The following PRMT8 variants were observed in gnomAD, a reference collection of about 807,000 sequenced individuals.
PRMT8 encodes protein arginine N-methyltransferase 8.
In PRMT8, 7 loss-of-function variants were observed where a neutral mutation model predicts 47.1. The observed-to-expected ratio is 0.15, with a 90% CI of 0.08 to 0.28. PRMT8 has a LOEUF of 0.28. PRMT8 is among the 10% of genes least tolerant of loss of function. The probability of loss-of-function intolerance (pLI) is 1.00; values close to 1 mark genes in which losing one functional copy is unlikely to be tolerated. For synonymous variants in PRMT8, 188 were observed against 186.5 expected (o/e 1.01, Z -0.07); for missense variants, 237 against 505.4 (o/e 0.47, Z 5.09).
intron 1 of PRMT8, among the ~76,000 whole-genome samples, chr12:3,410,216 T>C (rs1164953952): frequency 2.0e-5 from 3 of 152,182 alleles, no homozygotes; most frequent in Admixed American, 6.5e-5. Context: ...AAACAAACCA[T>C]GTTTTTTAGG....
At chr12:3,399,570 A>T (rs548816171) in intron 1 of PRMT8, among the ~76,000 whole-genome samples, 34 of 152,212 alleles carry the variant, frequency 2.2e-4, no homozygotes, top group African/African-American at 8.2e-4. Flanking sequence ...TGTACAGAAA[A>T]CCATATCAGG....
intron 4 of PRMT8, among the ~76,000 whole-genome samples, chr12:3,560,540 C>T (rs943467308): frequency 2.0e-5 from 3 of 152,142 alleles, no homozygotes; most frequent in Admixed American, 6.6e-5. Flanking sequence ...AGTGGGCTGC[C>T]GAGATGCTTA....
At chr12:3,474,667 G>C (rs567151630) in intron 1 of PRMT8, among the ~76,000 whole-genome samples, 1 of 152,262 alleles carries the variant, frequency 6.6e-6, no homozygotes, top group Admixed American at 6.5e-5. Flanking sequence ...CCTGCTGGAA[G>C]CTTCTCCTAA....
intron 1 of PRMT8, among the ~76,000 whole-genome samples, chr12:3,515,585 G>A (rs1441141201): frequency 6.6e-6 from 1 of 152,204 alleles, no homozygotes; most frequent in East Asian, 1.9e-4. Flanking sequence ...AGAACCTCTG[G>A]GGACGGGGCC....
chr12:3,543,035 A>G (rs1055294985), intron 2 of PRMT8, among the ~76,000 whole-genome samples: 2 of 152,258 alleles, frequency 1.3e-5, no homozygotes, highest in African/African-American at 4.8e-5. Context: ...AAGCTTGTGC[A>G]TACGTATATA....
chr12:3,517,736 A>C (rs1457805896), intron 1 of PRMT8, among the ~76,000 whole-genome samples: 1 of 152,008 alleles, frequency 6.6e-6, no homozygotes, highest in African/African-American at 2.4e-5. Flanking sequence ...GGAAAGAGGG[A>C]ACTTAAAAAC....
chr12:3,591,407 CTT>C (rs34619063), intron 8 of PRMT8, among the ~76,000 whole-genome samples: 58 of 115,710 alleles, frequency 5.0e-4, no homozygotes, highest in African/African-American at 7.1e-4. Context: ...AGGGAAAGCT[CTT>C]TTTTTTTTTT....
chr12:3,546,430 A>G (rs1174564005), intron 2 of PRMT8, among the ~76,000 whole-genome samples: 1 of 152,214 alleles, frequency 6.6e-6, no homozygotes, highest in African/African-American at 2.4e-5. Flanking sequence ...AATTGATAAT[A>G]TCTAGTTAGA....
intron 1 of PRMT8, among the ~76,000 whole-genome samples, chr12:3,518,977 G>C (rs1865836395): frequency 6.6e-6 from 1 of 151,832 alleles, no homozygotes; most frequent in African/African-American, 2.4e-5. Flanking sequence ...AGCTCAAAAG[G>C]CTTTTGTAAG....
At chr12:3,429,989 C>T (rs945158214) in intron 1 of PRMT8, among the ~76,000 whole-genome samples, 1 of 152,166 alleles carries the variant, frequency 6.6e-6, no homozygotes, top group Admixed American at 6.5e-5. Context: ...CAGGATGAGC[C>T]ACAGACAAGA....
chr12:3,540,256 T>C (rs1248751545), intron 1 of PRMT8, among the ~76,000 whole-genome samples: 1 of 152,200 alleles, frequency 6.6e-6, no homozygotes, highest in African/African-American at 2.4e-5. Context: ...TATGCATCTT[T>C]CCCTTTATTG....
chr12:3,577,970 C>T (rs149571606), intron 7 of PRMT8, among the ~76,000 whole-genome samples: 118 of 152,294 alleles, frequency 7.7e-4, no homozygotes, highest in Non-Finnish European at 1.4e-3. Flanking sequence ...CAGAGGTAAC[C>T]ACTGTTCACA....
chr12:3,417,803 A>G, intron 1 of PRMT8, among the ~76,000 whole-genome samples: 1 of 152,202 alleles, frequency 6.6e-6, no homozygotes. Flanking sequence ...GATGAAGAAG[A>G]GACAAAAATC....
At chr12:3,592,451 G>C in intron 9 of PRMT8, 99 bp downstream of exon 9, 1 of 1,344,198 alleles carries the variant, frequency 7.4e-7, no homozygotes, top group Non-Finnish European at 1.0e-6. Flanking sequence ...CTCATGAACA[G>C]TCAGAAACTT....
intron 1 of PRMT8, among the ~76,000 whole-genome samples, chr12:3,507,294 T>A (rs1443495541): frequency 1.3e-5 from 2 of 151,930 alleles, no homozygotes; most frequent in East Asian, 1.9e-4. Context: ...GCTAATTTTT[T>A]GTATTTTTAG....
chr12:3,392,020 G>T (rs759277103), intron 1 of PRMT8, among the ~76,000 whole-genome samples: 11 of 152,048 alleles, frequency 7.2e-5, no homozygotes, highest in African/African-American at 2.4e-4. Context: ...AGGAGCAAAG[G>T]GTTGGAGGCA....
chr12:3,407,921 T>A (rs1008455896), intron 1 of PRMT8, among the ~76,000 whole-genome samples: 1 of 152,056 alleles, frequency 6.6e-6, no homozygotes, highest in Admixed American at 6.6e-5. Flanking sequence ...CCATTGTACT[T>A]TTCATTTCAT....
At chr12:3,496,212 ATATTTTTTTTTTTTT>A (rs1359741422) in intron 1 of PRMT8, among the ~76,000 whole-genome samples, 1 of 19,392 alleles carries the variant, frequency 5.2e-5, no homozygotes, top group Non-Finnish European at 8.1e-5. Context: ...ATATATATAT[ATATTTTTTTTTTTTT>A]TTTTTTTTTT....
At chr12:3,397,827 G>T (rs1000323703) in intron 1 of PRMT8, among the ~76,000 whole-genome samples, 6 of 152,174 alleles carry the variant, frequency 3.9e-5, no homozygotes, top group Non-Finnish European at 7.4e-5. Context: ...CCGCCTTGCA[G>T]TTTGATCTCA....
Sources: allele counts gnomAD v4.1 joint callset (sites outside exome capture counted in the v4.1 genomes callset), GRCh38; gene constraint gnomAD v4.1.1; transcripts MANE v1.5; gene names NCBI Gene and HGNC (gene_info 2026-07-23, HGNC 2026-07-21).